Variants in ITGAV observed in about 807,000 individuals in gnomAD.
ITGAV encodes integrin subunit alpha V, also known as integrin alpha-V.
In ITGAV, 76 loss-of-function variants were observed where a neutral mutation model predicts 143.8. The ratio of observed to expected loss-of-function variants is 0.53; its 90% CI spans 0.44 to 0.64. The LOEUF (loss-of-function observed/expected upper bound fraction) is 0.64. Among genes scored for constraint, ITGAV ranks in the 30% least tolerant of loss-of-function variants. The pLI is 0.00. For missense variants in ITGAV, 1,193 were observed against 1,274.7 expected, an observed-to-expected ratio of 0.94 and a Z score of 0.98; for synonymous variants, 453 against 446.7, an observed-to-expected ratio of 1.01 and a Z score of -0.18.
rs758096081 is a variant in ITGAV, at chr2:186,625,565, T to C, written c.501T>C (p.Val167=). Residue 167 remains valine (V), a synonymous_variant, in exon 4 of 30, where the codon GTT becomes GTC. Transcript: ENST00000261023. ...TTCTTCAAGATGGAACAAAGACTGTTGAGTATGCTCCATGTAGATCACGTA... is the reference window on the plus strand; with the variant it reads ...TTCTTCAAGATGGAACAAAGACTGTCGAGTATGCTCCATGTAGATCACGTA... The part of the protein sequence containing the change: ...TCFLQDGTKT[V]EYAPCRSQDI... 2 of 1,612,824 alleles carry C rather than the reference T, an allele frequency of 1.2e-6. No individual in the cohort carries two copies. The highest frequency in any genetic ancestry group is 2.7e-5 in the African/African-American group (2 of 74,844).
rs967264228 is a variant in ITGAV, at chr2:186,640,817, G to GA, written c.904-90dup. Reference sequence around the variant, plus strand: ...TTTAGATTGAAGCACTATATGCAGAGAAAAAAAATAACCCTATTTGGTACA... The same window carrying GA: ...TTTAGATTGAAGCACTATATGCAGAGAAAAAAAAATAACCCTATTTGGTACA... On this transcript the variant is annotated intron_variant, in intron 10 of 29. Transcript: ENST00000261023. 54 of 934,382 alleles carry GA rather than the reference G, an allele frequency of 5.8e-5. No individual in the cohort carries two copies. In the Admixed American group the frequency reaches 6.1e-4, roughly 11 times the overall value. 57.9% of individuals were successfully genotyped at this position (934,382 alleles called of 1,614,324 possible). A position where few individuals can be genotyped will look rare whatever the true frequency, so the allele number is the denominator to read the frequency against.
At chr2:186,622,313 T>A in intron 2 of ITGAV, 26 bp from the exon 3 acceptor site, 1 of 1,484,580 alleles carries the variant, frequency 6.7e-7, no homozygotes, top group Admixed American at 1.7e-5. Context: ...ATTTTGTGTC[T>A]TACCACTCAC....
At position 186,617,860 on chromosome 2, in the gene ITGAV, T is replaced by A. The variant is rs574490259; in HGVS notation, c.317-4479T>A. Reference sequence around the variant, plus strand: ...ACAGAAATCTTTCTATTCTTGGCTGTTGCCGGAGAAAGCATTTCTTCCAGC... The same window carrying A: ...ACAGAAATCTTTCTATTCTTGGCTGATGCCGGAGAAAGCATTTCTTCCAGC... On this transcript the variant is annotated intron_variant, in intron 2 of 29. Transcript: ENST00000261023. 4.3e-4 allele frequency among the ~76,000 whole-genome samples: 66 copies of A among 152,364 alleles called. 1 individual carries two copies. The highest frequency in any genetic ancestry group is 3.4e-3 in the Middle Eastern group (1 of 294).
At chr2:186,608,965 A>G (rs1309613617) in intron 2 of ITGAV, among the ~76,000 whole-genome samples, 1 of 152,124 alleles carries the variant, frequency 6.6e-6, no homozygotes, top group Admixed American at 6.5e-5. Flanking sequence ...CCATGAGAAT[A>G]ATTTCTTGTC....
At chr2:186,666,653 T>A in intron 21 of ITGAV, 51 bp from the exon 22 acceptor site, 1 of 1,039,418 alleles carries the variant, frequency 9.6e-7, no homozygotes, top group Non-Finnish European at 1.4e-6. Context: ...GATTTGAAAT[T>A]TTGCTAATTA....
chr2:186,638,601 T>C (rs1688014391), intron 10 of ITGAV, 136 bp downstream of exon 10: 2 of 672,918 alleles, frequency 3.0e-6, no homozygotes, highest in East Asian at 5.4e-5. Context: ...CTTACCATTT[T>C]GGTCAAACTA....
Position 186,675,757 on chromosome 2 carries a change from G to A in ITGAV, c.2820+40G>A, listed in dbSNP as rs201276814. The A allele has an allele frequency of 6.6e-4, 1,019 of 1,555,108 alleles. 8 individuals are homozygous for A. The African/African-American group carries it at 0.013, about 19-fold the overall frequency. ...GCAGCATTTAGCAAACATACCCAGT[G>A]TTTTCAAATAAATATAAAAGGCCTG... On this transcript the variant is annotated intron_variant, in intron 27 of 29. Transcript: ENST00000261023.
Position 186,677,329 on chromosome 2 carries a change from A to G in ITGAV, c.*37A>G, listed in dbSNP as rs751039355. 6 of 1,462,524 alleles carry G rather than the reference A, an allele frequency of 4.1e-6. No homozygotes were observed. The Admixed American group carries it at 1.0e-4, about 26-fold the overall frequency. The allele number at this position is 1,462,524 out of a possible 1,614,324, so 90.6% of individuals were successfully genotyped here. On this transcript the variant is annotated 3_prime_UTR_variant, in exon 30 of 30. Coordinates refer to ENST00000261023, the MANE Select transcript of ITGAV (RefSeq NM_002210.5). The stretch of plus-strand genomic sequence containing the variant: ...AAGTTATGCTACATCTTGACCCACT[A>G]GAATTAGCAACTTTATTATAGATTT...
At chr2:186,665,096 A>ATTTTTTT in intron 20 of ITGAV, 30 bp from the exon 21 acceptor site, 1 of 1,013,870 alleles carries the variant, frequency 9.9e-7, no homozygotes, top group Non-Finnish European at 1.4e-6. Flanking sequence ...TTTCATATCC[A>ATTTTTTT]TTTTTTTTTT....
chr2:186,643,508 G>A (rs996516306), intron 12 of ITGAV, among the ~76,000 whole-genome samples: 33 of 152,252 alleles, frequency 2.2e-4, no homozygotes, highest in African/African-American at 6.3e-4. Context: ...TGTTCTATTA[G>A]TTATGTTAGA....
intron 1 of ITGAV, among the ~76,000 whole-genome samples, chr2:186,591,388 A>AC: frequency 6.6e-6 from 1 of 151,158 alleles, no homozygotes; most frequent in East Asian, 1.9e-4. Context: ...TCACCACCCC[A>AC]CCCCCATGTT....
intron 2 of ITGAV, among the ~76,000 whole-genome samples, chr2:186,613,425 T>G (rs1257271148): frequency 6.6e-6 from 1 of 152,138 alleles, no homozygotes; most frequent in African/African-American, 2.4e-5. Flanking sequence ...TTCATTCCTG[T>G]TTTCCTCTGG....
intron 18 of ITGAV, among the ~76,000 whole-genome samples, chr2:186,661,935 A>G (rs1688758971): frequency 6.6e-6 from 1 of 152,072 alleles, no homozygotes; most frequent in Non-Finnish European, 1.5e-5. Context: ...AAGATGTAAT[A>G]TATATAACTG....
chr2:186,608,892 AC>A (rs1396565729), intron 2 of ITGAV, among the ~76,000 whole-genome samples: 2 of 152,344 alleles, frequency 1.3e-5, no homozygotes, highest in Non-Finnish European at 2.9e-5. Flanking sequence ...AGAGAAGCTA[AC>A]AAAAGAACAA....
chr2:186,616,472 G>T (rs1286754236), intron 2 of ITGAV, among the ~76,000 whole-genome samples: 1 of 151,358 alleles, frequency 6.6e-6, no homozygotes, highest in Admixed American at 6.6e-5. Context: ...TAGAGACGGG[G>T]TTTCACCGTG....
At chr2:186,604,641 T>A (rs889981075) in intron 2 of ITGAV, among the ~76,000 whole-genome samples, 1 of 152,218 alleles carries the variant, frequency 6.6e-6, no homozygotes, top group Non-Finnish European at 1.5e-5. Context: ...TTTATTAGCA[T>A]ATTTTTAAAT....
chr2:186,609,994 G>C (rs1392922026), intron 2 of ITGAV, among the ~76,000 whole-genome samples: 2 of 151,576 alleles, frequency 1.3e-5, no homozygotes, highest in African/African-American at 4.8e-5. Flanking sequence ...GAGATAGAAG[G>C]ATCTAGAGCC....
intron 19 of ITGAV, among the ~76,000 whole-genome samples, 164 bp downstream of exon 19, chr2:186,663,999 A>G (rs982715815): frequency 6.6e-6 from 1 of 152,222 alleles, no homozygotes; most frequent in African/African-American, 2.4e-5. Context: ...TAAAGAAAAT[A>G]TCCACTGTGT....
chr2:186,625,358 T>C, intron 3 of ITGAV, 115 bp from the exon 4 acceptor site: 1 of 661,954 alleles, frequency 1.5e-6, no homozygotes, highest in Non-Finnish European at 2.7e-6. Context: ...GGCAACAGAC[T>C]GAGACCCCAT....
Sources: gnomAD v4.1 joint callset for allele counts (sites outside exome capture counted in the v4.1 genomes callset) on GRCh38, gnomAD v4.1.1 for gene constraint, MANE v1.5 for transcripts, NCBI Gene and HGNC (gene_info 2026-07-23, HGNC 2026-07-21) for gene names.